The following GAL3ST2 variants were observed in gnomAD, a reference collection of about 807,000 sequenced individuals.
The protein encoded by GAL3ST2 is galactose-3-O-sulfotransferase 2.
In GAL3ST2, 16 loss-of-function variants were observed where a neutral mutation model predicts 12.9. The ratio of observed to expected loss-of-function variants is 1.24; its 90% CI spans 0.84 to 1.88. The LOEUF is 1.88. Among genes scored for constraint, GAL3ST2 ranks in the 40% most tolerant of loss-of-function variants. The pLI is 0.00. For synonymous variants in GAL3ST2, 302 were observed against 273.9 expected (o/e 1.10, Z -1.01); for missense variants, 639 against 571.8 (o/e 1.12, Z -1.20).
intron 1 of GAL3ST2, among the ~76,000 whole-genome samples, chr2:241,789,201 C>T (rs1038912715): frequency 2.0e-5 from 3 of 152,170 alleles, no homozygotes; most frequent in East Asian, 1.9e-4. Context: ...ACCACTGTTT[C>T]GATCTAGCAG....
chr2:241,795,281 C>A lies in GAL3ST2; in HGVS notation c.30-3784C>A, dbSNP rs112287751. Among the ~76,000 whole-genome samples, 1 of 152,140 alleles carries A rather than the reference C, an allele frequency of 6.6e-6. No homozygotes were observed. The highest frequency in any genetic ancestry group is 2.4e-5 in the African/African-American group (1 of 41,422). On this transcript the variant is annotated intron_variant, in intron 1 of 3. Coordinates refer to ENST00000192314, the MANE Select transcript of GAL3ST2 (RefSeq NM_022134.3). This position sits in a 1 kb window ranked among gnomAD's most constrained non-coding sequence, Gnocchi z 4.5. ...GGTCTTTTGGCAAAAGGGAAGAGCC[C>A]GCCTTGAGAAGGCTGTAGCATTTCT...
Position 241,803,326 on chromosome 2 carries a change from CCTCT to C in GAL3ST2, c.376-16_376-13del, listed in dbSNP as rs1269601354. ...GCCTGGGCCCGCGGTCCGCAGCCCG[CCTCT>C]CTGTCGCCACACAGGTGCAGAAAGT... is the stretch of plus-strand genomic sequence containing the variant. On this transcript the variant is annotated splice_polypyrimidine_tract_variant and intron_variant, in intron 3 of 3. Transcript: ENST00000192314. The C allele has an allele frequency of 1.3e-6, 2 of 1,568,678 alleles. No individual in the cohort carries two copies. Among genetic ancestry groups the C allele is most frequent in the South Asian group, 2.4e-5 (2 of 84,886 alleles).
At chr2:241,779,986 CAA>C (rs375396600) in intron 1 of GAL3ST2, among the ~76,000 whole-genome samples, 4 of 123,098 alleles carry the variant, frequency 3.2e-5, no homozygotes, top group Admixed American at 8.0e-5. Context: ...AATCCCGTCT[CAA>C]AAAAAAAAAA....
At position 241,801,811 on chromosome 2, in the gene GAL3ST2, G is replaced by A. The variant is rs1230199483; in HGVS notation, c.150G>A (p.Pro50=). 26 of 1,612,612 alleles carry A rather than the reference G, an allele frequency of 1.6e-5. No individual in the cohort carries two copies. Among genetic ancestry groups the A allele is most frequent in the South Asian group, 2.2e-5 (2 of 91,078 alleles). The change falls in exon 3 of 4, where the codon CCG becomes CCA. Residue 50 remains proline, a synonymous_variant. Transcript: ENST00000192314. This position sits in a 1 kb window ranked among gnomAD's most constrained non-coding sequence, Gnocchi z 4.4. ...PLFGGQAEGP[P]VTNIMFLKTH... is the part of the protein sequence containing the mutation. ...TTGGGGGCCAGGCTGAGGGGCCGCC[G>A]GTCACCAACATCATGTTCCTGAAGA...
At chr2:241,790,871 C>T (rs2125192949) in intron 1 of GAL3ST2, among the ~76,000 whole-genome samples, 1 of 152,332 alleles carries the variant, frequency 6.6e-6, no homozygotes, top group African/African-American at 2.4e-5. Flanking sequence ...AGAGCTCCCT[C>T]TCTGCACAAT....
intron 1 of GAL3ST2, among the ~76,000 whole-genome samples, chr2:241,783,756 A>G (rs1337222325): frequency 6.6e-6 from 1 of 152,270 alleles, no homozygotes; most frequent in Non-Finnish European, 1.5e-5. Context: ...GCAAAATTAT[A>G]ACTGAGACAG....
chr2:241,797,147 C>T, intron 1 of GAL3ST2, among the ~76,000 whole-genome samples: 1 of 152,250 alleles, frequency 6.6e-6, no homozygotes, highest in East Asian at 1.9e-4. Flanking sequence ...GCGTGAGCTG[C>T]CGCGCCTGGC....
At chr2:241,791,026 C>G (rs1480423747) in intron 1 of GAL3ST2, among the ~76,000 whole-genome samples, 1 of 152,196 alleles carries the variant, frequency 6.6e-6, no homozygotes, top group Admixed American at 6.5e-5. Context: ...ATTTGTCCCA[C>G]CTTTCTCAAT....
In GAL3ST2 at chr2:241,803,449, CT is replaced by C. The variant is rs1389562164; in HGVS notation, c.482del (p.Phe161SerfsTer210). ...TCTACTACAAAACCTACGCCCCCGC[CT>C]TCCGGGGCGCCCCGAGCCTGGACGC... is the stretch of plus-strand genomic sequence containing the variant. ...FIYYKTYAPA[F>X]RGAPSLDAFL... On this transcript the variant is annotated frameshift_variant, in exon 4 of 4. Coordinates refer to ENST00000192314, the MANE Select transcript of GAL3ST2 (RefSeq NM_022134.3). LOFTEE classifies it low-confidence loss of function (END_TRUNC). 24 of 1,611,982 alleles carry C rather than the reference CT, an allele frequency of 1.5e-5. No homozygotes were observed. The highest frequency in any genetic ancestry group is 1.8e-5 in the Non-Finnish European group (21 of 1,179,490).
chr2:241,784,809 G>A (rs952575124), intron 1 of GAL3ST2, among the ~76,000 whole-genome samples: 2 of 152,106 alleles, frequency 1.3e-5, no homozygotes, highest in Non-Finnish European at 2.9e-5. Context: ...CAGAACCCTA[G>A]GCAGTTGTTA....
At position 241,788,020 on chromosome 2, in the gene GAL3ST2, A is replaced by G. The variant is rs141110093; in HGVS notation, c.29+11036A>G. On this transcript the variant is annotated intron_variant, in intron 1 of 3. Transcript: ENST00000192314. ...TGTTTGCTTTCTGTCTTAAAAAAGC[A>G]ATTGTCCCTTCATTTACTTTTCTTC... is the stretch of plus-strand genomic sequence containing the variant. Among the ~76,000 whole-genome samples, 767 of 152,280 alleles carry G rather than the reference A, an allele frequency of 5.0e-3. 3 individuals carry two copies. Among genetic ancestry groups the G allele is most frequent in the African/African-American group, 0.018 (728 of 41,548 alleles).
rs1699765365 is a variant in GAL3ST2 at position 241,795,726 on chromosome 2, G to T, written c.30-3339G>T. Among the ~76,000 whole-genome samples the T allele has an allele frequency of 6.6e-6, 1 of 152,254 alleles. No individual in the cohort carries two copies. The highest frequency in any genetic ancestry group is 2.4e-5 in the African/African-American group (1 of 41,476). On this transcript the variant is annotated intron_variant, in intron 1 of 3. Transcript: ENST00000192314. The surrounding 1 kb of genome is among the most constrained non-coding windows in gnomAD (Gnocchi z 4.5). ...CGCTCTCAGTGTGGGGCCTCGTTTG[G>T]GTTTGGGAAAACATGTCCTCTCTCA...
At chr2:241,782,984 A>G (rs1699583899) in intron 1 of GAL3ST2, among the ~76,000 whole-genome samples, 1 of 152,092 alleles carries the variant, frequency 6.6e-6, no homozygotes, top group Non-Finnish European at 1.5e-5. Context: ...CTAAAAATGT[A>G]ACAAATTAGC....
rs1357890543 is a variant in GAL3ST2 at position 241,785,776 on chromosome 2, A to T, written c.29+8792A>T. Among the ~76,000 whole-genome samples the T allele has an allele frequency of 2.0e-5, 3 of 152,172 alleles. No individual in the cohort carries two copies. The East Asian group carries it at 5.8e-4, about 29-fold the overall frequency. ...TCAGTCAACTGAGAAAAAACAAAAA[A>T]CTTTTGCTCAAAAAAAGGACAAGGT... On this transcript the variant is annotated intron_variant, in intron 1 of 3. Coordinates refer to ENST00000192314, the MANE Select transcript of GAL3ST2 (RefSeq NM_022134.3).
rs369162002 is a variant in GAL3ST2 at position 241,803,988 on chromosome 2, G to C, written c.1019G>C (p.Arg340Pro). The C allele has an allele frequency of 6.4e-7, 1 of 1,553,900 alleles. No individual in the cohort carries two copies. The highest frequency in any genetic ancestry group is 8.7e-7 in the Non-Finnish European group (1 of 1,153,038). The change falls in exon 4 of 4, where the codon CGC (arginine) becomes CCC (proline). Residue 340 changes from arginine (R) to proline (P), a missense_variant. By Grantham distance (103) the Arg-to-Pro change is moderately radical (BLOSUM62 -2). Transcript: ENST00000192314. ...ACGCAGATCAGAGACCCGCGCCTGC[G>C]CCCCTACCAGTCCGGCAAGGCCGAC... ...NHTQIRDPRLRPYQSGKADIL... is the reference protein window; with the variant it reads ...NHTQIRDPRLPPYQSGKADIL...
Position 241,801,711 on chromosome 2 carries a change from G to A in GAL3ST2, c.120-70G>A. 1 of 1,552,248 alleles carries A rather than the reference G, an allele frequency of 6.4e-7. No homozygotes were observed. The highest frequency in any genetic ancestry group is 1.8e-5 in the Admixed American group (1 of 56,588). On this transcript the variant is annotated intron_variant, in intron 2 of 3. Coordinates refer to ENST00000192314, the MANE Select transcript of GAL3ST2 (RefSeq NM_022134.3). This position sits in a 1 kb window ranked among gnomAD's most constrained non-coding sequence, Gnocchi z 4.4. Reference sequence around the variant, plus strand: ...GTCTCTCCTTGCGGTTGCCGGGCTGGGGGTCGCTGTTGGGCGGGGGTTGGG... The same window carrying A: ...GTCTCTCCTTGCGGTTGCCGGGCTGAGGGTCGCTGTTGGGCGGGGGTTGGG...
rs150808854 is a variant in GAL3ST2, at chr2:241,786,893, G to A, written c.29+9909G>A. 8.5e-5 allele frequency among the ~76,000 whole-genome samples: 13 copies of A among 152,216 alleles called. No homozygotes were observed. The East Asian group carries it at 2.5e-3, about 29-fold the overall frequency. ...TATCTTGGGCCCCTGAAATCACTAA[G>A]CTAAAGCAAAATGTCAAACTGGGAA... is the stretch of plus-strand genomic sequence containing the variant. On this transcript the variant is annotated intron_variant, in intron 1 of 3. Transcript: ENST00000192314.
In GAL3ST2 at chr2:241,793,821, T is replaced by G. The variant is rs992194850; in HGVS notation, c.30-5244T>G. On this transcript the variant is annotated intron_variant, in intron 1 of 3. Coordinates refer to ENST00000192314, the MANE Select transcript of GAL3ST2 (RefSeq NM_022134.3). This position sits in a 1 kb window ranked among gnomAD's most constrained non-coding sequence, Gnocchi z 4.7. ...GTGTGTGTATGTTTGTGTGTGTGTT[T>G]AATCCTGGAGTGTAAAAAACCATCG... 2.6e-5 allele frequency among the ~76,000 whole-genome samples: 4 copies of G among 152,090 alleles called. No homozygotes were observed. The highest frequency in any genetic ancestry group is 7.2e-5 in the African/African-American group (3 of 41,404).
intron 1 of GAL3ST2, among the ~76,000 whole-genome samples, chr2:241,786,171 T>TG (rs1048750600): frequency 1.4e-4 from 15 of 108,744 alleles, no homozygotes; most frequent in African/African-American, 6.6e-4. Context: ...GTGTGTGTGT[T>TG]GGGGGGGATC....
Sources: allele counts gnomAD v4.1 joint callset (sites outside exome capture counted in the v4.1 genomes callset), GRCh38; gene constraint gnomAD v4.1.1; non-coding constraint Gnocchi (gnomAD v3.1); transcripts MANE v1.5; gene names NCBI Gene and HGNC (gene_info 2026-07-23, HGNC 2026-07-21).